VRK3: variants seen among roughly 807,000 people sequenced by gnomAD.
VRK3 encodes VRK serine/threonine kinase 3, also known as serine/threonine-protein kinase VRK3.
In VRK3, 50 loss-of-function variants were observed where a neutral mutation model predicts 60.4. That is an observed-to-expected ratio of 0.83 (90% confidence interval 0.66 to 1.05). The LOEUF (loss-of-function observed/expected upper bound fraction) is 1.05, where lower values mean the gene tolerates loss of function less well. VRK3 is among the 50% of genes least tolerant of loss of function. The pLI is 0.00. For synonymous variants in VRK3, 246 were observed against 227.8 expected, an observed-to-expected ratio of 1.08 and a Z score of -0.72; for missense variants, 549 against 585.3, an observed-to-expected ratio of 0.94 and a Z score of 0.64.
At chr19:50,023,999 G>T (rs1296817431) in intron 1 of VRK3, among the ~76,000 whole-genome samples, 1 of 152,180 alleles carries the variant, frequency 6.6e-6, no homozygotes, top group Non-Finnish European at 1.5e-5. Flanking sequence ...GCAGTGGCAC[G>T]ACCTCAGCTC....
chr19:49,993,581 T>C (rs1600674923), intron 9 of VRK3, among the ~76,000 whole-genome samples: 1 of 152,038 alleles, frequency 6.6e-6, no homozygotes, highest in East Asian at 1.9e-4. Flanking sequence ...TGTATTTTTA[T>C]TAGAGAGGGC....
At chr19:49,995,411 G>A in intron 7 of VRK3, 136 bp from the exon 8 acceptor site, 2 of 701,878 alleles carry the variant, frequency 2.8e-6, no homozygotes, top group Admixed American at 4.8e-5. Context: ...AACATTGTGG[G>A]TGGGTGATGG....
At position 49,994,809 on chromosome 19, in the gene VRK3, C is replaced by T. The variant is rs779355755; in HGVS notation, c.870+5G>A. ...GCGGCAGCTGAGCAACTTCTGGGTA[C>T]GCACCAGCCGGCAGGCCACCTGCAG... On this transcript the variant is annotated splice_donor_5th_base_variant and intron_variant, in intron 9 of 14. Coordinates refer to ENST00000316763, the MANE Select transcript of VRK3 (RefSeq NM_016440.4). 18 of 1,611,810 alleles carry T rather than the reference C, an allele frequency of 1.1e-5. No individual in the cohort carries two copies. The highest frequency in any genetic ancestry group is 2.2e-5 in the East Asian group (1 of 44,876).
chr19:50,003,580 G>C (rs1200352801), intron 5 of VRK3, among the ~76,000 whole-genome samples: 1 of 152,254 alleles, frequency 6.6e-6, no homozygotes, highest in African/African-American at 2.4e-5. Context: ...GTACTGGACA[G>C]AGACACAAGA....
chr19:50,016,803 T>G (rs1018176367), intron 2 of VRK3, among the ~76,000 whole-genome samples: 1 of 152,206 alleles, frequency 6.6e-6, no homozygotes. Context: ...TTTAAGCCAG[T>G]TAAGTGAAGA....
At chr19:49,978,979 G>A in intron 14 of VRK3, 104 bp downstream of exon 14, 4 of 1,257,272 alleles carry the variant, frequency 3.2e-6, no homozygotes, top group Non-Finnish European at 4.3e-6. Context: ...GCTGGGCCCT[G>A]GTATGAACGT....
At chr19:49,993,229 C>A (rs2304113) in intron 9 of VRK3, among the ~76,000 whole-genome samples, 1 of 152,026 alleles carries the variant, frequency 6.6e-6, no homozygotes, top group South Asian at 2.1e-4. Context: ...ACAAACTCAG[C>A]AGAGGGAAAA....
intron 5 of VRK3, among the ~76,000 whole-genome samples, chr19:50,005,414 T>C (rs145267081): frequency 1.3e-5 from 2 of 149,688 alleles, no homozygotes; most frequent in South Asian, 4.1e-4. Context: ...TTCAAGCTTT[T>C]CCTGGAAAAC....
At chr19:50,002,823 G>A (rs994577415) in intron 5 of VRK3, among the ~76,000 whole-genome samples, 1 of 152,244 alleles carries the variant, frequency 6.6e-6, no homozygotes, top group East Asian at 1.9e-4. Flanking sequence ...CCGGAAACCT[G>A]ACAAATGGAA....
intron 12 of VRK3, chr19:49,986,565 A>G (rs1411537560): frequency 6.5e-6 from 1 of 152,704 alleles, no homozygotes; most frequent in Non-Finnish European, 1.5e-5. Flanking sequence ...ACATCAGAAC[A>G]CATGTTAAGT....
At chr19:49,990,699 T>C (rs190314130) in intron 10 of VRK3, among the ~76,000 whole-genome samples, 18 of 151,778 alleles carry the variant, frequency 1.2e-4, no homozygotes, top group Admixed American at 8.5e-4. Flanking sequence ...GGACAACTGT[T>C]GGTTTTGTCT....
At chr19:50,019,728 T>TG (rs1182753755) in intron 2 of VRK3, among the ~76,000 whole-genome samples, 1 of 131,278 alleles carries the variant, frequency 7.6e-6, no homozygotes, top group Non-Finnish European at 1.6e-5. Context: ...TTTGTAGAGA[T>TG]GGGGTCTTGC....
intron 4 of VRK3, chr19:50,008,678 CAT>C (rs1359317911): frequency 6.5e-6 from 1 of 153,598 alleles, no homozygotes; most frequent in East Asian, 1.9e-4. Context: ...CCTAGACTGA[CAT>C]GCGCTCCAAT....
chr19:49,979,313 C>T, intron 13 of VRK3, 71 bp from the exon 14 acceptor site: 3 of 1,602,970 alleles, frequency 1.9e-6, no homozygotes, highest in Admixed American at 1.7e-5. Context: ...TGGGGGTCTC[C>T]ACCCAAGGAT....
At chr19:49,993,987 T>C (rs2076656995) in intron 9 of VRK3, among the ~76,000 whole-genome samples, 1 of 151,884 alleles carries the variant, frequency 6.6e-6, no homozygotes, top group Non-Finnish European at 1.5e-5. Flanking sequence ...GGCTCTCCAG[T>C]GCCCTCAAGA....
Position 50,000,774 on chromosome 19 carries a change from C to A in VRK3, c.612+16G>T. 1 of 1,609,176 alleles carries A rather than the reference C, an allele frequency of 6.2e-7. No individual in the cohort carries two copies. The highest frequency in any genetic ancestry group is 8.5e-7 in the Non-Finnish European group (1 of 1,177,816). On this transcript the variant is annotated intron_variant, in intron 6 of 14. Transcript: ENST00000316763. ...CCCTCCCCTCCAAGCTGCCCCCCAC[C>A]TGCAGGGTCACTTACCAGTTTGAGT...
intron 3 of VRK3, 176 bp downstream of exon 3, chr19:50,015,848 G>C: frequency 1.3e-6 from 1 of 777,744 alleles, no homozygotes; most frequent in African/African-American, 1.7e-5. Context: ...AAAGCCATGA[G>C]GCCAATAAGA....
chr19:49,977,050 G>C (rs2076342580), intron 14 of VRK3, among the ~76,000 whole-genome samples: 4 of 152,182 alleles, frequency 2.6e-5, no homozygotes, highest in Admixed American at 2.6e-4. Context: ...CAAGTGGGTG[G>C]GGAGGCAGTG....
intron 5 of VRK3, among the ~76,000 whole-genome samples, chr19:50,007,301 G>A (rs2076911220): frequency 1.4e-5 from 2 of 142,090 alleles, no homozygotes; most frequent in South Asian, 4.7e-4. Context: ...GTGGGGTGAG[G>A]AGGGGCACAC....
Sources: allele counts gnomAD v4.1 joint callset (sites outside exome capture counted in the v4.1 genomes callset), GRCh38; gene constraint gnomAD v4.1.1; transcripts MANE v1.5; gene names NCBI Gene and HGNC (gene_info 2026-07-23, HGNC 2026-07-21).